ABCA13: variants seen among roughly 807,000 people sequenced by gnomAD.
The protein encoded by ABCA13 is ATP binding cassette subfamily A member 13, also known as ATP-binding cassette sub-family A member 13.
A neutral mutation model predicts 478.7 loss-of-function variants in ABCA13; 476 were observed. The observed-to-expected ratio is 0.99, with a 90% confidence interval of 0.92 to 1.07. The LOEUF (loss-of-function observed/expected upper bound fraction) is 1.07, where lower values mean the gene tolerates loss of function less well. Ranked by LOEUF, ABCA13 falls within the 50% of genes least tolerant of loss-of-function variation. The pLI is 0.00. For missense variants in ABCA13, 6,060 were observed against 5,910.6 expected, an observed-to-expected ratio of 1.03 and a Z score of -0.83; for synonymous variants, 2,252 against 2,158.9, an observed-to-expected ratio of 1.04 and a Z score of -1.20.
intron 39 of ABCA13, among the ~76,000 whole-genome samples, chr7:48,407,714 G>A (rs1818447671): frequency 6.6e-6 from 1 of 151,768 alleles, no homozygotes; most frequent in Admixed American, 6.6e-5. Context: ...GCACCACCAA[G>A]CCCAGCTAAT....
intron 59 of ABCA13, among the ~76,000 whole-genome samples, chr7:48,620,525 A>C (rs996182648): frequency 3.3e-5 from 5 of 152,066 alleles, no homozygotes; most frequent in African/African-American, 1.2e-4. Context: ...CAGCACCCTC[A>C]CCCCAATTGT....
intron 42 of ABCA13, among the ~76,000 whole-genome samples, chr7:48,441,354 A>G (rs1462838343): frequency 1.3e-5 from 2 of 152,152 alleles, no homozygotes; most frequent in Non-Finnish European, 2.9e-5. Context: ...GGTGCCCTCA[A>G]AGATTACTCT....
chr7:48,299,181 G>A (rs1378771618), intron 23 of ABCA13, among the ~76,000 whole-genome samples: 1 of 152,148 alleles, frequency 6.6e-6, no homozygotes, highest in Non-Finnish European at 1.5e-5. Context: ...TCTAGTTGGG[G>A]TTTTATCTTC....
chr7:48,439,767 G>C (rs1823332060), intron 42 of ABCA13, among the ~76,000 whole-genome samples: 1 of 152,106 alleles, frequency 6.6e-6, no homozygotes, highest in South Asian at 2.1e-4. Context: ...AAGTGAGCAG[G>C]ATAATCTGTT....
intron 51 of ABCA13, among the ~76,000 whole-genome samples, chr7:48,511,973 TAGAGAC>T (rs1275230037): frequency 6.6e-6 from 1 of 152,136 alleles, no homozygotes; most frequent in African/African-American, 2.4e-5. Flanking sequence ...AACATCTAAT[TAGAGAC>T]AGAGTTTTAC....
intron 17 of ABCA13, among the ~76,000 whole-genome samples, chr7:48,276,987 G>T (rs900673193): frequency 2.0e-5 from 3 of 152,152 alleles, no homozygotes; most frequent in African/African-American, 7.2e-5. Flanking sequence ...TGCATTTAGA[G>T]ACATAAAAAT....
At chr7:48,314,443 G>A (rs1802246638) in intron 26 of ABCA13, 34 bp downstream of exon 26, 1 of 1,489,512 alleles carries the variant, frequency 6.7e-7, no homozygotes, top group Non-Finnish European at 9.0e-7. Context: ...TATGTGTTTA[G>A]ATTCGTTTGT....
intron 58 of ABCA13, among the ~76,000 whole-genome samples, chr7:48,598,953 C>T (rs923320583): frequency 1.3e-5 from 2 of 151,820 alleles, no homozygotes; most frequent in Non-Finnish European, 2.9e-5. Context: ...ATCTTTTATC[C>T]CACTGAATTG....
intron 43 of ABCA13, among the ~76,000 whole-genome samples, chr7:48,460,538 G>T (rs778358994): frequency 6.6e-6 from 1 of 152,130 alleles, no homozygotes; most frequent in Non-Finnish European, 1.5e-5. Context: ...TATTGGATAT[G>T]GTACCCACTC....
Position 48,248,460 on chromosome 7 carries a change from GTGGGAAACTTATAAACAAT to G in ABCA13, c.1865+22_1865+40del. On this transcript the variant is annotated intron_variant, in intron 14 of 61. Coordinates refer to ENST00000435803, the MANE Select transcript of ABCA13 (RefSeq NM_152701.5). ...TCTCCACAGTGTAAGTACATGTTTG[GTGGGAAACTTATAAACAAT>G]TGGGACATCAGAATGATTTCAACTG... 1 of 1,543,382 alleles carries G rather than the reference GTGGGAAACTTATAAACAAT, an allele frequency of 6.5e-7. No individual in the cohort carries two copies. Among genetic ancestry groups the G allele is most frequent in the Non-Finnish European group, 8.7e-7 (1 of 1,143,262 alleles).
At chr7:48,386,382 A>G (rs553882146) in intron 35 of ABCA13, among the ~76,000 whole-genome samples, 34 of 152,340 alleles carry the variant, frequency 2.2e-4, no homozygotes, top group African/African-American at 7.7e-4. Context: ...ACTAGAAAAA[A>G]ATGTTTCAAA....
At chr7:48,306,203 A>G (rs1800880898) in intron 23 of ABCA13, among the ~76,000 whole-genome samples, 1 of 152,224 alleles carries the variant, frequency 6.6e-6, no homozygotes, top group African/African-American at 2.4e-5. Context: ...CTTCCACATG[A>G]CAGGGTGTGG....
At chr7:48,340,473 CATT>C (rs1806979560) in intron 29 of ABCA13, among the ~76,000 whole-genome samples, 1 of 152,156 alleles carries the variant, frequency 6.6e-6, no homozygotes, top group Admixed American at 6.5e-5. Context: ...GTTGTAGAAA[CATT>C]AGAAAATACA....
chr7:48,516,045 A>G lies in ABCA13; in HGVS notation c.13641-680A>G, dbSNP rs1012565839. Reference sequence around the variant, plus strand: ...TTGCAGAGTCCTCTGAAGCCCCAGGAAGAGTGTGTTGTCTTTGAAAAATAC... The same window carrying G: ...TTGCAGAGTCCTCTGAAGCCCCAGGGAGAGTGTGTTGTCTTTGAAAAATAC... On this transcript the variant is annotated intron_variant, in intron 51 of 61. Coordinates refer to ENST00000435803, the MANE Select transcript of ABCA13 (RefSeq NM_152701.5). Among the ~76,000 whole-genome samples, 7 of 152,126 alleles carry G rather than the reference A, an allele frequency of 4.6e-5. No individual in the cohort carries two copies. The East Asian group carries it at 1.4e-3, about 29-fold the overall frequency.
intron 59 of ABCA13, among the ~76,000 whole-genome samples, chr7:48,623,499 A>G (rs542241505): frequency 1.3e-5 from 2 of 152,310 alleles, no homozygotes; most frequent in South Asian, 4.2e-4. Context: ...ATAACAGAAC[A>G]TCAACCACAT....
intron 43 of ABCA13, among the ~76,000 whole-genome samples, chr7:48,463,287 G>T (rs1826467732): frequency 1.3e-5 from 2 of 152,300 alleles, no homozygotes; most frequent in South Asian, 4.1e-4. Flanking sequence ...TCAACTGGAC[G>T]AAGTTCCGAA....
chr7:48,616,991 G>A (rs1000438837), intron 59 of ABCA13, among the ~76,000 whole-genome samples: 4 of 152,086 alleles, frequency 2.6e-5, no homozygotes, highest in Non-Finnish European at 5.9e-5. Context: ...CCATGATTGT[G>A]CCACTACACT....
chr7:48,188,989 T>C (rs1307641588), intron 1 of ABCA13, among the ~76,000 whole-genome samples: 2 of 152,050 alleles, frequency 1.3e-5, no homozygotes, highest in Non-Finnish European at 2.9e-5. Flanking sequence ...AGGAGGGCTT[T>C]GTGGTGGTTT....
intron 55 of ABCA13, among the ~76,000 whole-genome samples, chr7:48,556,153 G>T (rs1052443520): frequency 1.3e-5 from 2 of 151,502 alleles, no homozygotes; most frequent in African/African-American, 4.8e-5. Flanking sequence ...TTATTCTCTT[G>T]TGGTCAGGGA....
Sources: allele counts gnomAD v4.1 joint callset (sites outside exome capture counted in the v4.1 genomes callset), GRCh38; gene constraint gnomAD v4.1.1; transcripts MANE v1.5; gene names NCBI Gene and HGNC (gene_info 2026-07-23, HGNC 2026-07-21).